TBC1D23: variants seen among roughly 807,000 people sequenced by gnomAD.
TBC1D23 encodes TBC1 domain family member 23.
A neutral mutation model predicts 91.4 loss-of-function variants in TBC1D23; 55 were observed. The ratio of observed to expected loss-of-function variants is 0.60; its 90% CI spans 0.48 to 0.75. TBC1D23 has a LOEUF of 0.75. TBC1D23 is among the 30% of genes least tolerant of loss of function. The pLI, the probability that TBC1D23 is intolerant of heterozygous loss-of-function variation, is 0.00. For synonymous variants in TBC1D23, 289 were observed against 281.0 expected (o/e 1.03, Z -0.28); for missense variants, 725 against 836.1 (o/e 0.87, Z 1.64).
Position 100,283,720 on chromosome 3 carries a change from A to C in TBC1D23, c.385A>C (p.Ile129Leu). Residue 129 changes from isoleucine to leucine, a missense_variant, in exon 4 of 19, where the codon ATA (isoleucine) becomes CTA (leucine). Ile to Leu is a conservative substitution (Grantham distance 5). Coordinates refer to ENST00000394144, the MANE Select transcript of TBC1D23 (RefSeq NM_001199198.3). ...NIKYSTSLSW[I>L]HLLKPLVHLQ... ...TAAATATAGCACATCCCTTAGCTGG[A>C]TACATCTACTGAAACCATTGGTGCA... 6.2e-7 allele frequency: 1 copy of C among 1,612,896 alleles called. No homozygotes were observed. Among genetic ancestry groups the C allele is most frequent in the South Asian group, 1.1e-5 (1 of 91,070 alleles).
chr3:100,276,875 T>G (rs1218116842), intron 1 of TBC1D23, among the ~76,000 whole-genome samples: 1 of 152,250 alleles, frequency 6.6e-6, no homozygotes, highest in East Asian at 1.9e-4. Flanking sequence ...CCATGGGATT[T>G]GGTCTGTCCT....
chr3:100,293,950 G>A (rs986300728), intron 5 of TBC1D23, among the ~76,000 whole-genome samples: 3 of 152,152 alleles, frequency 2.0e-5, no homozygotes, highest in African/African-American at 7.2e-5. Context: ...GCTTAGTATT[G>A]CACACCTGTT....
intron 1 of TBC1D23, among the ~76,000 whole-genome samples, chr3:100,262,670 A>G: frequency 7.7e-6 from 1 of 129,588 alleles, no homozygotes; most frequent in East Asian, 2.5e-4. Flanking sequence ...GGTTGCAGTG[A>G]GCCGAGATCG....
rs1705632085 is a variant in TBC1D23, at chr3:100,311,895, G to A, written c.1598+18G>A. ...ACAGAGCGGTAAGCCAATGAGTAGA[G>A]CATTTTTCTTGAACCATCCTTTTCC... On this transcript the variant is annotated intron_variant, in intron 15 of 18. Transcript: ENST00000394144. 2 of 1,520,728 alleles carry A rather than the reference G, an allele frequency of 1.3e-6. No homozygotes were observed. The highest frequency in any genetic ancestry group is 2.8e-5 in the African/African-American group (2 of 72,644). The allele number at this position is 1,520,728 out of a possible 1,614,324, so 94.2% of individuals were successfully genotyped here.
At chr3:100,284,656 G>C (rs946715362) in intron 4 of TBC1D23, among the ~76,000 whole-genome samples, 2 of 152,050 alleles carry the variant, frequency 1.3e-5, no homozygotes, top group Non-Finnish European at 2.9e-5. Flanking sequence ...AGGTGGTTGT[G>C]ATGGGGGTTG....
chr3:100,322,675 C>G (rs975271529), intron 18 of TBC1D23, among the ~76,000 whole-genome samples: 1 of 152,112 alleles, frequency 6.6e-6, no homozygotes, highest in Non-Finnish European at 1.5e-5. Context: ...AATTATGACT[C>G]TCTCATGTAT....
intron 4 of TBC1D23, among the ~76,000 whole-genome samples, chr3:100,284,967 C>A (rs1238532451): frequency 6.6e-6 from 1 of 152,028 alleles, no homozygotes; most frequent in African/African-American, 2.4e-5. Flanking sequence ...GGTGGAGAAC[C>A]GCTAATCTGG....
At chr3:100,300,263 C>T (rs1328039019) in intron 10 of TBC1D23, among the ~76,000 whole-genome samples, 2 of 152,040 alleles carry the variant, frequency 1.3e-5, no homozygotes, top group Non-Finnish European at 2.9e-5. Flanking sequence ...AACCTCTTAG[C>T]TAAATGTTAA....
chr3:100,279,711 T>G lies in TBC1D23; in HGVS notation c.116T>G (p.Ile39Arg). The G allele has an allele frequency of 6.2e-7, 1 of 1,609,348 alleles. No homozygotes were observed. Among genetic ancestry groups the G allele is most frequent in the Non-Finnish European group, 8.5e-7 (1 of 1,176,718 alleles). Reference sequence around the variant, plus strand: ...TGTGATCTTGAAACGTTGAGAAATATAATTCAAGGAAGACCGCTGCCTGCT... The same window carrying G: ...TGTGATCTTGAAACGTTGAGAAATAGAATTCAAGGAAGACCGCTGCCTGCT... ...GGCDLETLRN[I>R]IQGRPLPADL... Residue 39 changes from isoleucine to arginine, a missense_variant, in exon 2 of 19, where the codon ATA (isoleucine) becomes AGA (arginine). By Grantham distance (97) the Ile-to-Arg change is moderately conservative. Transcript: ENST00000394144.
At chr3:100,276,247 T>A (rs2067647689) in intron 1 of TBC1D23, among the ~76,000 whole-genome samples, 1 of 151,780 alleles carries the variant, frequency 6.6e-6, no homozygotes, top group African/African-American at 2.4e-5. Flanking sequence ...TTTAGAAAAA[T>A]GTTAGTATAT....
At chr3:100,289,274 A>G (rs1034431540) in intron 4 of TBC1D23, among the ~76,000 whole-genome samples, 1 of 152,184 alleles carries the variant, frequency 6.6e-6, no homozygotes, top group African/African-American at 2.4e-5. Context: ...ATCCAGTAAG[A>G]TCCACTACCA....
chr3:100,319,039 T>G, intron 16 of TBC1D23, 30 bp from the exon 17 acceptor site: 1 of 1,403,858 alleles, frequency 7.1e-7, no homozygotes, highest in Non-Finnish European at 9.8e-7. Context: ...GTTGGTAATA[T>G]CCATATTTAA....
At chr3:100,276,364 C>A (rs989723616) in intron 1 of TBC1D23, among the ~76,000 whole-genome samples, 11 of 151,688 alleles carry the variant, frequency 7.3e-5, no homozygotes, top group Non-Finnish European at 1.6e-4. Context: ...TATATGTAAT[C>A]CAGTTGCTTT....
At chr3:100,290,747 TA>T (rs1553728420) in intron 5 of TBC1D23, 46 bp downstream of exon 5, 2 of 1,509,142 alleles carry the variant, frequency 1.3e-6, no homozygotes, top group Non-Finnish European at 1.8e-6. Context: ...TAGATTTATG[TA>T]AAGCTATAGT....
rs1705902413 is a variant in TBC1D23, at chr3:100,323,568, T to C, written c.2019-19T>C. ...ATGTATATATATATGTATATATATG[T>C]ATTTTTTTTCCCCCTTAGGTATTTG... On this transcript the variant is annotated intron_variant, in intron 18 of 18. Transcript: ENST00000394144. The C allele has an allele frequency of 2.3e-6, 3 of 1,300,056 alleles. No individual in the cohort carries two copies. Among genetic ancestry groups the C allele is most frequent in the Non-Finnish European group, 3.1e-6 (3 of 976,016 alleles). The allele number at this position is 1,300,056 out of a possible 1,614,324, so 80.5% of individuals were successfully genotyped here.
At chr3:100,307,407 TCTTTGAGCTGTGGTTTCTCCAC>T (rs1705534834) in intron 13 of TBC1D23, among the ~76,000 whole-genome samples, 2 of 152,224 alleles carry the variant, frequency 1.3e-5, no homozygotes, top group Non-Finnish European at 2.9e-5. Flanking sequence ...TCCAGCAAGA[TCTTTGAGCTGTGGTTTCTCCAC>T]CTGTGGAATA....
chr3:100,284,524 G>A (rs1402443487), intron 4 of TBC1D23, among the ~76,000 whole-genome samples: 1 of 152,096 alleles, frequency 6.6e-6, no homozygotes, highest in Non-Finnish European at 1.5e-5. Context: ...GAAGTGTGCT[G>A]AATGTTAGAA....
intron 15 of TBC1D23, among the ~76,000 whole-genome samples, chr3:100,313,146 A>G (rs1705659296): frequency 6.6e-6 from 1 of 152,106 alleles, no homozygotes; most frequent in Non-Finnish European, 1.5e-5. Flanking sequence ...ACCTAGCACT[A>G]CTTTAAAGGA....
intron 4 of TBC1D23, among the ~76,000 whole-genome samples, chr3:100,289,208 C>T (rs2067768940): frequency 2.0e-5 from 3 of 151,988 alleles, no homozygotes; most frequent in African/African-American, 4.8e-5. Flanking sequence ...GAGCTAGACC[C>T]TGTCTTAAAA....
Sources: allele counts gnomAD v4.1 joint callset (sites outside exome capture counted in the v4.1 genomes callset), GRCh38; gene constraint gnomAD v4.1.1; transcripts MANE v1.5; gene names NCBI Gene and HGNC (gene_info 2026-07-23, HGNC 2026-07-21).